Variants in MAP3K13 observed in about 807,000 individuals in gnomAD.
MAP3K13 encodes leucine zipper-bearing kinase.
A neutral mutation model predicts 104.0 loss-of-function variants in MAP3K13; 52 were observed. The observed-to-expected ratio is 0.50, with a 90% confidence interval of 0.40 to 0.63. The LOEUF is 0.63. Among genes scored for constraint, MAP3K13 ranks in the 20% least tolerant of loss-of-function variants. The pLI, the probability that MAP3K13 is intolerant of heterozygous loss-of-function variation, is 0.00. For synonymous variants in MAP3K13, 394 were observed against 442.2 expected, an observed-to-expected ratio of 0.89 and a Z score of 1.37; for missense variants, 914 against 1,218.5, an observed-to-expected ratio of 0.75 and a Z score of 3.72.
intron 2 of MAP3K13, among the ~76,000 whole-genome samples, chr3:185,343,430 C>T (rs941403113): frequency 3.3e-5 from 5 of 152,026 alleles, no homozygotes; most frequent in South Asian, 4.1e-4. Context: ...GTGCTGCAAA[C>T]GGACGACTCT....
intron 2 of MAP3K13, among the ~76,000 whole-genome samples, chr3:185,329,422 T>C (rs960902174): frequency 1.3e-5 from 2 of 152,134 alleles, no homozygotes; most frequent in Non-Finnish European, 2.9e-5. Flanking sequence ...TCAAAGAAAT[T>C]AAAAGAATGA....
At chr3:185,332,449 C>A (rs1461410197) in intron 2 of MAP3K13, among the ~76,000 whole-genome samples, 2 of 152,132 alleles carry the variant, frequency 1.3e-5, no homozygotes, top group African/African-American at 2.4e-5. Context: ...GTGTACAGTT[C>A]GGTAGTGTTA....
At chr3:185,354,611 G>GC (rs1289768252) in intron 2 of MAP3K13, among the ~76,000 whole-genome samples, 2 of 150,012 alleles carry the variant, frequency 1.3e-5, no homozygotes, top group East Asian at 4.0e-4. Flanking sequence ...ATAAGTATGG[G>GC]GGGGGGGCAG....
upstream of MAP3K13, among the ~76,000 whole-genome samples, chr3:185,359,645 G>A (rs923357933): frequency 1.3e-5 from 2 of 151,976 alleles, no homozygotes; most frequent in African/African-American, 4.8e-5. Context: ...AATAATATAG[G>A]CTATTATAAT....
chr3:185,388,914 A>C (rs944751126), intron 1 of MAP3K13, among the ~76,000 whole-genome samples: 10 of 152,224 alleles, frequency 6.6e-5, no homozygotes, highest in African/African-American at 2.4e-4. Flanking sequence ...ATTGTTTTTT[A>C]AATGTTACAC....
At chr3:185,375,923 C>T (rs1156906466) in intron 1 of MAP3K13, among the ~76,000 whole-genome samples, 1 of 152,112 alleles carries the variant, frequency 6.6e-6, no homozygotes, top group Non-Finnish European at 1.5e-5. Flanking sequence ...GACGCATAGT[C>T]GCTTTGCAAG....
At chr3:185,360,752 A>G (rs6765849), upstream of MAP3K13, among the ~76,000 whole-genome samples, 109,613 of 151,098 alleles carry the variant, frequency 0.73, 42,112 homozygotes, top group Non-Finnish European at 0.86. Flanking sequence ...ACTCCCATCC[A>G]TAGTGGACTT....
intron 2 of MAP3K13, among the ~76,000 whole-genome samples, chr3:185,324,523 T>A (rs1410019712): frequency 1.3e-5 from 2 of 152,212 alleles, no homozygotes; most frequent in Non-Finnish European, 2.9e-5. Context: ...TATGTTTCAA[T>A]TCCGATTTCC....
intron 10 of MAP3K13, among the ~76,000 whole-genome samples, chr3:185,468,608 G>A (rs1717596227): frequency 6.6e-6 from 1 of 152,196 alleles, no homozygotes; most frequent in Non-Finnish European, 1.5e-5. Context: ...GAGCTAATGA[G>A]AGAACACAAA....
chr3:185,357,464 A>G (rs957799014), intron 2 of MAP3K13, among the ~76,000 whole-genome samples: 104 of 151,252 alleles, frequency 6.9e-4, no homozygotes, highest in Admixed American at 1.8e-3. Context: ...AAAAAAAAAA[A>G]AAAGAAAAAA....
chr3:185,390,971 G>A (rs902030562), intron 1 of MAP3K13, among the ~76,000 whole-genome samples: 2 of 151,952 alleles, frequency 1.3e-5, no homozygotes, highest in African/African-American at 2.4e-5. Flanking sequence ...TACACATCCC[G>A]GTCTGTCCAA....
At chr3:185,477,091 T>G (rs748139513) in intron 11 of MAP3K13, 1 of 634,914 alleles carries the variant, frequency 1.6e-6, no homozygotes, top group African/African-American at 1.8e-5. Context: ...CAAAGAAAAT[T>G]TCACTCAGTT....
chr3:185,337,222 ATG>A lies in MAP3K13; in HGVS notation c.-86+51580_-86+51581del, dbSNP rs200071520. Among the ~76,000 whole-genome samples, 876 of 152,292 alleles carry A rather than the reference ATG, an allele frequency of 5.8e-3. 6 individuals carry two copies. The highest frequency in any genetic ancestry group is 0.019 in the African/African-American group (780 of 41,558). ...AGCCGGCCTAATGACTCGGTCTTTAATGCCATGTTGTGAGATGCGTAGCAGTG... is the reference window on the plus strand; with the variant it reads ...AGCCGGCCTAATGACTCGGTCTTTAACCATGTTGTGAGATGCGTAGCAGTG... On this transcript the variant is annotated intron_variant, in intron 2 of 14. Transcript: ENST00000424227.
chr3:185,455,820 A>ATATATATAT (rs1716675229), intron 7 of MAP3K13, among the ~76,000 whole-genome samples: 2 of 121,432 alleles, frequency 1.6e-5, no homozygotes, highest in Admixed American at 9.5e-5. Flanking sequence ...TATATATATG[A>ATATATATAT]GATATATATG....
intron 2 of MAP3K13, chr3:185,329,311 T>TGA (rs753959300): frequency 2.7e-5 from 19 of 697,306 alleles, no homozygotes; most frequent in Non-Finnish European, 4.2e-5. Context: ...ATCCTCATGT[T>TGA]CTTTCCAGTT....
chr3:185,390,780 C>A (rs902967076), intron 1 of MAP3K13, among the ~76,000 whole-genome samples: 1 of 143,814 alleles, frequency 7.0e-6, no homozygotes, highest in Non-Finnish European at 1.5e-5. Context: ...CCCACCACCA[C>A]GCCCAGCTAA....
chr3:185,310,216 A>G (rs1721447954), intron 2 of MAP3K13, among the ~76,000 whole-genome samples: 1 of 152,176 alleles, frequency 6.6e-6, no homozygotes, highest in African/African-American at 2.4e-5. Flanking sequence ...CAACATCTCA[A>G]CCACTGACTA....
intron 3 of MAP3K13, among the ~76,000 whole-genome samples, chr3:185,439,269 G>A (rs1715202642): frequency 6.6e-6 from 1 of 152,118 alleles, no homozygotes; most frequent in African/African-American, 2.4e-5. Context: ...AGAGGGCATG[G>A]GAGAAAGCTT....
At chr3:185,447,079 A>G (rs1715628222) in intron 4 of MAP3K13, among the ~76,000 whole-genome samples, 1 of 152,192 alleles carries the variant, frequency 6.6e-6, no homozygotes, top group South Asian at 2.1e-4. Context: ...GGATGAAGAA[A>G]GTGAGTTTGC....
Sources: allele counts gnomAD v4.1 joint callset (sites outside exome capture counted in the v4.1 genomes callset), GRCh38; gene constraint gnomAD v4.1.1; transcripts MANE v1.5; gene names NCBI Gene and HGNC (gene_info 2026-07-23, HGNC 2026-07-21).